NCLN: variants seen among roughly 807,000 people sequenced by gnomAD.
NCLN encodes the protein BOS complex subunit NCLN.
Under a neutral mutation model 69.5 loss-of-function variants are expected in NCLN, and 34 were observed. The observed-to-expected ratio is 0.49, with a 90% CI of 0.37 to 0.65. NCLN has a LOEUF of 0.65. NCLN is among the 30% of genes least tolerant of loss of function. The pLI is 0.00. For synonymous variants in NCLN, 393 were observed against 358.3 expected (o/e 1.10, Z -1.09); for missense variants, 710 against 804.8 (o/e 0.88, Z 1.42).
Position 3,192,658 on chromosome 19 carries a change from C to T in NCLN, c.373C>T (p.Arg125Trp), listed in dbSNP as rs374747332. ...AMAAVPQDVV[R>W]QFMEIEPEML... ...GGCCGCCGTGCCCCAGGACGTCGTC[C>T]GGGTGAGCGTCTGCCCTGCCCCGCC... Residue 125 changes from arginine (R) to tryptophan (W), a missense_variant and splice_region_variant, in exon 2 of 15, where the codon CGG (arginine) becomes TGG (tryptophan). Arg to Trp is a moderately radical substitution (Grantham distance 101, BLOSUM62 -3). Transcript: ENST00000246117. The T allele has an allele frequency of 4.8e-5, 75 of 1,549,686 alleles. No individual in the cohort carries two copies. Among genetic ancestry groups the T allele is most frequent in the Admixed American group, 5.9e-5 (3 of 51,040 alleles).
intron 5 of NCLN, among the ~76,000 whole-genome samples, chr19:3,200,914 G>T (rs1258773873): frequency 6.6e-6 from 1 of 152,106 alleles, no homozygotes; most frequent in Non-Finnish European, 1.5e-5. Context: ...GGTGTTTATT[G>T]TCCCCCTGAA....
intron 6 of NCLN, among the ~76,000 whole-genome samples, chr19:3,201,939 C>T (rs1026259719): frequency 6.6e-6 from 1 of 152,076 alleles, no homozygotes; most frequent in African/African-American, 2.4e-5. Context: ...GTGGTCGGGG[C>T]CGGATTTTTC....
At chr19:3,191,227 G>A (rs537123555) in intron 1 of NCLN, among the ~76,000 whole-genome samples, 34 of 152,210 alleles carry the variant, frequency 2.2e-4, no homozygotes, top group African/African-American at 7.0e-4. Context: ...TTGTTGGGTG[G>A]AGGACGTTTT....
rs767962642 is a variant in NCLN, at chr19:3,192,479, A to G, written c.194A>G (p.Asn65Ser). 4 of 1,599,854 alleles carry G rather than the reference A, an allele frequency of 2.5e-6. No homozygotes were observed. The South Asian group carries it at 4.5e-5, about 18-fold the overall frequency. Reference sequence around the variant, plus strand: ...GCCCCTGTGCCCACAGGCACACGGAATGCAGTGCTGAACACGGAGGCGCGC... The same window carrying G: ...GCCCCTGTGCCCACAGGCACACGGAGTGCAGTGCTGAACACGGAGGCGCGC... ...DLQGQPYGTR[N>S]AVLNTEARTM... The change falls in exon 2 of 15, where the codon AAT becomes AGT. Residue 65 changes from asparagine (N) to serine (S), a missense_variant. Asn to Ser is a conservative substitution (Grantham distance 46, BLOSUM62 1). Transcript: ENST00000246117.
At chr19:3,200,357 C>T (rs1161639241) in intron 5 of NCLN, among the ~76,000 whole-genome samples, 5 of 137,896 alleles carry the variant, frequency 3.6e-5, no homozygotes, top group Non-Finnish European at 7.5e-5. Flanking sequence ...TGTCACCAGG[C>T]TGGAGTGTAG....
intron 5 of NCLN, among the ~76,000 whole-genome samples, chr19:3,199,693 T>TTTC (rs1916073719): frequency 1.1e-5 from 1 of 89,616 alleles, no homozygotes; most frequent in Non-Finnish European, 2.1e-5. Context: ...CTCCTCCTTT[T>TTTC]TTTTTTTTTT....
In NCLN at chr19:3,201,481, C is replaced by T. The variant is rs8108552; in HGVS notation, c.697-42C>T. On this transcript the variant is annotated intron_variant, in intron 5 of 14. Coordinates refer to ENST00000246117, the MANE Select transcript of NCLN (RefSeq NM_020170.4). ...GGCGGAGGTCATGGGGTGCGGGAGC[C>T]GGGCGGGGGTGACTGTGGCCTTGCC... is the stretch of plus-strand genomic sequence containing the variant. The T allele has an allele frequency of 9.8e-3, 14,169 of 1,450,432 alleles. 1,047 individuals are homozygous for T. The African/African-American group carries it at 0.17, about 18-fold the overall frequency. 89.8% of individuals were successfully genotyped at this position (1,450,432 alleles called of 1,614,324 possible).
intron 3 of NCLN, among the ~76,000 whole-genome samples, chr19:3,194,282 C>G (rs1915903278): frequency 1.3e-5 from 2 of 152,286 alleles, no homozygotes; most frequent in South Asian, 4.1e-4. Context: ...ACTTGGGAGG[C>G]TGAGGCAGGA....
intron 6 of NCLN, among the ~76,000 whole-genome samples, chr19:3,203,084 G>A (rs185353121): frequency 1.4e-3 from 212 of 152,218 alleles, no homozygotes; most frequent in African/African-American, 4.4e-3. Context: ...GGAAGCCTGC[G>A]GCAGGTGGAT....
rs1428316163 is a variant in NCLN, at chr19:3,193,444, C to T, written c.520+16C>T. ...GCTGCTGAAGGTGTGCTCTGGGCTG[C>T]AGGGACGGGGCCCGTGGGCGTGGGT... On this transcript the variant is annotated intron_variant, in intron 3 of 14. Transcript: ENST00000246117. 1.3e-6 allele frequency: 2 copies of T among 1,586,842 alleles called. No homozygotes were observed. Among genetic ancestry groups the T allele is most frequent in the South Asian group, 1.1e-5 (1 of 89,494 alleles).
chr19:3,198,543 C>G (rs1916034554), intron 4 of NCLN, among the ~76,000 whole-genome samples: 1 of 148,540 alleles, frequency 6.7e-6, no homozygotes, highest in Admixed American at 6.7e-5. Flanking sequence ...AAAAAAAAAA[C>G]TTATTCTCCT....
intron 1 of NCLN, among the ~76,000 whole-genome samples, 192 bp downstream of exon 1, chr19:3,186,406 C>T (rs764789768): frequency 6.6e-6 from 1 of 152,112 alleles, no homozygotes; most frequent in South Asian, 2.1e-4. Flanking sequence ...GCCTAGCGCC[C>T]AGGGACCCCC....
intron 2 of NCLN, 104 bp downstream of exon 2, chr19:3,192,764 T>C: frequency 1.9e-6 from 2 of 1,064,956 alleles, no homozygotes; most frequent in South Asian, 3.6e-5. Context: ...CTGAGCCCTT[T>C]GGAAAGTAGG....
intron 12 of NCLN, 40 bp downstream of exon 12, chr19:3,206,465 G>A: frequency 1.3e-6 from 2 of 1,522,150 alleles, no homozygotes; most frequent in Non-Finnish European, 1.8e-6. Context: ...TCAGCCTGGG[G>A]CCGAGGGGGA....
At chr19:3,202,782 C>T (rs1307055340) in intron 6 of NCLN, among the ~76,000 whole-genome samples, 1 of 152,076 alleles carries the variant, frequency 6.6e-6, no homozygotes, top group African/African-American at 2.4e-5. Flanking sequence ...AGAACCTCTT[C>T]CCCCAGCCCC....
chr19:3,204,032 C>T lies in NCLN; in HGVS notation c.917C>T (p.Ala306Val), dbSNP rs751238845. ...TCCAGCCTGCTTCAGGACAATGTGG[C>T]CTTCGTGCTGTGCCTGGACACCGTG... is the stretch of plus-strand genomic sequence containing the variant. The part of the protein sequence containing the change: ...TDSSLLQDNV[A>V]FVLCLDTVGR... The change falls in exon 8 of 15, where the codon GCC becomes GTC. Residue 306 changes from alanine to valine, a missense_variant. Ala to Val is a moderately conservative substitution (Grantham distance 64). Coordinates refer to ENST00000246117, the MANE Select transcript of NCLN (RefSeq NM_020170.4). The T allele has an allele frequency of 7.0e-6, 11 of 1,574,334 alleles. No homozygotes were observed. The highest frequency in any genetic ancestry group is 2.3e-5 in the East Asian group (1 of 42,932).
Position 3,204,422 on chromosome 19 carries a change from CCAG to C in NCLN, c.1030-147_1030-145del, listed in dbSNP as rs1424202341. 4 of 886,422 alleles carry C rather than the reference CCAG, an allele frequency of 4.5e-6. No homozygotes were observed. The East Asian group carries it at 1.2e-4, about 26-fold the overall frequency. The allele number at this position is 886,422 out of a possible 1,614,324, so 54.9% of individuals were successfully genotyped here. A position where few individuals can be genotyped will look rare whatever the true frequency, so the allele number is the denominator to read the frequency against. The stretch of plus-strand genomic sequence containing the variant: ...CCACTGCTCATTGCCCGCCGGGGCT[CCAG>C]CAGGCCTTAGGGGGACCCCGGGGGC... On this transcript the variant is annotated intron_variant, in intron 8 of 14. Coordinates refer to ENST00000246117, the MANE Select transcript of NCLN (RefSeq NM_020170.4).
chr19:3,198,649 G>C (rs983225161), intron 4 of NCLN, among the ~76,000 whole-genome samples, 168 bp from the exon 5 acceptor site: 1 of 152,158 alleles, frequency 6.6e-6, no homozygotes, highest in Non-Finnish European at 1.5e-5. Context: ...GCTCCCTGGG[G>C]CTCCCAGAGT....
chr19:3,206,188 A>T lies in NCLN; in HGVS notation c.1333A>T (p.Met445Leu). The T allele has an allele frequency of 8.7e-7, 1 of 1,153,834 alleles. No individual in the cohort carries two copies. Among genetic ancestry groups the T allele is most frequent in the Non-Finnish European group, 1.1e-6 (1 of 894,432 alleles). The allele number at this position is 1,153,834 out of a possible 1,614,324, so 71.5% of individuals were successfully genotyped here. ...PPDMPVFTEQ[M>L]QIQQEQLDSV... ...AGACATGCCGGTGTTCACAGAGCAG[A>T]TGGTAAGGGGGCCAGGCCAGTGGGT... is the stretch of plus-strand genomic sequence containing the variant. The change falls in exon 11 of 15, where the codon ATG (methionine) becomes TTG (leucine). Residue 445 changes from methionine (M) to leucine (L), a missense_variant and splice_region_variant. Physicochemically the swap from Met to Leu is conservative, Grantham distance 15 (BLOSUM62 2). Transcript: ENST00000246117.
Sources: gnomAD v4.1 joint callset for allele counts (sites outside exome capture counted in the v4.1 genomes callset) on GRCh38, gnomAD v4.1.1 for gene constraint, MANE v1.5 for transcripts, NCBI Gene and HGNC (gene_info 2026-07-23, HGNC 2026-07-21) for gene names.